The following LINGO2 variants were observed in gnomAD, a reference collection of about 807,000 sequenced individuals.
LINGO2 encodes leucine-rich repeat and immunoglobulin-like domain-containing nogo receptor-interacting protein 2.
Under a neutral mutation model 30.6 loss-of-function variants are expected in LINGO2, and 14 were observed. That is an observed-to-expected ratio of 0.46 (90% CI 0.30 to 0.72). LINGO2 has a LOEUF of 0.72. LINGO2 is among the 30% of genes least tolerant of loss of function. The probability of loss-of-function intolerance (pLI) is 0.07; values close to 1 mark genes in which losing one functional copy is unlikely to be tolerated. For missense variants in LINGO2, 729 were observed against 751.7 expected (o/e 0.97, Z 0.35); for synonymous variants, 317 against 288.5 (o/e 1.10, Z -1.00).
chr9:28,685,306 T>C, the LINGO2 span, among the ~76,000 whole-genome samples: 1 of 152,170 alleles, frequency 6.6e-6, no homozygotes, highest in African/African-American at 2.4e-5. Context: ...TCTCTTTTTT[T>C]CCTACTCTGA....
chr9:28,077,291 A>T (rs1332193930), intron 4 of LINGO2, among the ~76,000 whole-genome samples: 1 of 152,154 alleles, frequency 6.6e-6, no homozygotes, highest in Non-Finnish European at 1.5e-5. Context: ...CAGTAAAGAG[A>T]TAGAGTTTGT....
intron 4 of LINGO2, among the ~76,000 whole-genome samples, chr9:28,127,531 A>G (rs1196818041): frequency 1.3e-5 from 2 of 152,236 alleles, no homozygotes; most frequent in Non-Finnish European, 2.9e-5. Context: ...AAGCAAGTGC[A>G]TCCTTCTTGG....
At chr9:28,499,410 A>C (rs1486768042) in intron 1 of LINGO2, among the ~76,000 whole-genome samples, 1 of 152,200 alleles carries the variant, frequency 6.6e-6, no homozygotes, top group East Asian at 1.9e-4. Flanking sequence ...GTTGTCAATG[A>C]TCAACATCCC....
chr9:28,671,339 G>T (rs1373801875), upstream of LINGO2, among the ~76,000 whole-genome samples: 1 of 151,758 alleles, frequency 6.6e-6, no homozygotes, highest in Non-Finnish European at 1.5e-5. Flanking sequence ...TAATAGCAAA[G>T]ACCTAAATAA....
At chr9:28,201,813 T>TTCC (rs1231604723) in intron 4 of LINGO2, among the ~76,000 whole-genome samples, 1 of 151,842 alleles carries the variant, frequency 6.6e-6, no homozygotes, top group Admixed American at 6.6e-5. Context: ...TCTCCTCCCC[T>TTCC]TCCTCCTCCC....
At chr9:29,051,680 T>A in the LINGO2 span, among the ~76,000 whole-genome samples, 1 of 152,126 alleles carries the variant, frequency 6.6e-6, no homozygotes, top group East Asian at 1.9e-4. Context: ...ATAAAGTTCT[T>A]ACATAAGGCC....
chr9:28,927,865 G>C, the LINGO2 span, among the ~76,000 whole-genome samples: 4 of 152,170 alleles, frequency 2.6e-5, no homozygotes, highest in Non-Finnish European at 5.9e-5. Flanking sequence ...TAAGTCATCT[G>C]CCTAAGGCCA....
chr9:28,005,395 A>G (rs1822212110), intron 5 of LINGO2, among the ~76,000 whole-genome samples: 1 of 152,206 alleles, frequency 6.6e-6, no homozygotes, highest in South Asian at 2.1e-4. Context: ...AGAACAAATG[A>G]GACAGGATTA....
chr9:28,407,793 A>T lies in LINGO2; in HGVS notation c.-278-34925T>A, dbSNP rs534877014. Among the ~76,000 whole-genome samples the T allele has an allele frequency of 1.4e-4, 22 of 152,314 alleles. 1 individual carries two copies. The highest frequency in any genetic ancestry group is 1.3e-3 in the Admixed American group (20 of 15,284). ...ATATTTACTGAATCACTATAATTTT[A>T]CAAATAAGTCTGTATCTCAGTCTTA... On this transcript the variant is annotated intron_variant, in intron 2 of 5. Transcript: ENST00000379992.
chr9:28,538,557 T>C (rs1564275697), intron 1 of LINGO2, among the ~76,000 whole-genome samples: 2 of 152,312 alleles, frequency 1.3e-5, no homozygotes, highest in East Asian at 3.9e-4. Flanking sequence ...TGTTCTGTTA[T>C]TACAAAATAC....
chr9:28,043,918 T>C (rs982793781), intron 4 of LINGO2, among the ~76,000 whole-genome samples: 1 of 152,250 alleles, frequency 6.6e-6, no homozygotes, highest in African/African-American at 2.4e-5. Context: ...TGTGTTTGAA[T>C]CAAGATCAAA....
the LINGO2 span, among the ~76,000 whole-genome samples, chr9:28,696,634 A>C: frequency 3.9e-5 from 6 of 151,906 alleles, no homozygotes; most frequent in Admixed American, 3.9e-4. Flanking sequence ...AAATGCATAA[A>C]GACTCATCAT....
intron 2 of LINGO2, among the ~76,000 whole-genome samples, chr9:28,456,778 G>T (rs567580786): frequency 5.9e-5 from 9 of 152,232 alleles, no homozygotes; most frequent in African/African-American, 1.7e-4. Flanking sequence ...AAAAATATAA[G>T]AAATGAATTG....
the LINGO2 span, among the ~76,000 whole-genome samples, chr9:28,901,476 A>G: frequency 6.6e-6 from 1 of 152,162 alleles, no homozygotes; most frequent in East Asian, 1.9e-4. Context: ...AGGTCAAAAG[A>G]CAAAATTATT....
chr9:27,995,631 T>C (rs1362305448), intron 5 of LINGO2, among the ~76,000 whole-genome samples: 2 of 152,168 alleles, frequency 1.3e-5, no homozygotes, highest in South Asian at 4.1e-4. Flanking sequence ...TCTCAATAAA[T>C]GCCAAAAAGC....
chr9:29,114,983 A>G, the LINGO2 span, among the ~76,000 whole-genome samples: 4 of 152,082 alleles, frequency 2.6e-5, no homozygotes, highest in African/African-American at 9.7e-5. Context: ...TTTACCTTTT[A>G]ATTTTATTTT....
chr9:28,535,990 T>C (rs892493148), intron 1 of LINGO2, among the ~76,000 whole-genome samples: 1 of 152,210 alleles, frequency 6.6e-6, no homozygotes, highest in Middle Eastern at 3.2e-3. Flanking sequence ...CATCATTGGA[T>C]AGACACTTGA....
At chr9:28,204,883 T>A (rs184234622) in intron 4 of LINGO2, among the ~76,000 whole-genome samples, 1 of 152,250 alleles carries the variant, frequency 6.6e-6, no homozygotes, top group Admixed American at 6.5e-5. Flanking sequence ...AGGGGATGTT[T>A]TTTTCCTGGG....
intron 1 of LINGO2, among the ~76,000 whole-genome samples, chr9:28,494,087 G>T (rs1337264055): frequency 6.6e-6 from 1 of 151,990 alleles, no homozygotes; most frequent in African/African-American, 2.4e-5. Flanking sequence ...TAGAATTAGG[G>T]ATTCATAGAT....
Sources: gnomAD v4.1 joint callset for allele counts (sites outside exome capture counted in the v4.1 genomes callset) on GRCh38, gnomAD v4.1.1 for gene constraint, MANE v1.5 for transcripts, NCBI Gene and HGNC (gene_info 2026-07-23, HGNC 2026-07-21) for gene names.